The following ERICH6B variants were observed in gnomAD, a reference collection of about 807,000 sequenced individuals.
ERICH6B encodes glutamate rich 6B.
A neutral mutation model predicts 80.0 loss-of-function variants in ERICH6B; 69 were observed. The ratio of observed to expected loss-of-function variants is 0.86; its 90% CI spans 0.71 to 1.05. The LOEUF is 1.05. Ranked by LOEUF, ERICH6B falls within the 50% of genes least tolerant of loss-of-function variation. The pLI is 0.00. For synonymous variants in ERICH6B, 283 were observed against 291.9 expected (o/e 0.97, Z 0.31); for missense variants, 754 against 796.1 (o/e 0.95, Z 0.64).
chr13:45,586,229 T>C (rs1875894431), intron 5 of ERICH6B, among the ~76,000 whole-genome samples: 2 of 152,102 alleles, frequency 1.3e-5, no homozygotes, highest in Admixed American at 1.3e-4. Flanking sequence ...TTCTCCCTTA[T>C]AGGGTTTCTG....
intron 4 of ERICH6B, among the ~76,000 whole-genome samples, chr13:45,589,524 C>T (rs1346526812): frequency 6.6e-6 from 1 of 152,162 alleles, no homozygotes; most frequent in Non-Finnish European, 1.5e-5. Flanking sequence ...ACATTTCATC[C>T]TCACCAAAAC....
intron 2 of ERICH6B, among the ~76,000 whole-genome samples, chr13:45,601,598 C>T (rs144003591): frequency 1.3e-5 from 2 of 152,174 alleles, no homozygotes; most frequent in East Asian, 3.9e-4. Flanking sequence ...CCCTGGATAG[C>T]CCAGAGGAGC....
At chr13:45,583,966 C>T (rs1875787400) in intron 5 of ERICH6B, among the ~76,000 whole-genome samples, 1 of 152,256 alleles carries the variant, frequency 6.6e-6, no homozygotes, top group Non-Finnish European at 1.5e-5. Context: ...TCTATACACA[C>T]AATGTCTCTA....
chr13:45,563,863 A>G (rs1281852733), intron 9 of ERICH6B, 75 bp from the exon 10 acceptor site: 35 of 1,230,872 alleles, frequency 2.8e-5, no homozygotes, highest in Non-Finnish European at 3.4e-5. Context: ...CAGTGCAGAC[A>G]GTACTGGAGC....
intron 7 of ERICH6B, among the ~76,000 whole-genome samples, chr13:45,579,583 C>A (rs1264444091): frequency 1.3e-5 from 2 of 152,166 alleles, no homozygotes; most frequent in African/African-American, 4.8e-5. Flanking sequence ...TGGCATAGGA[C>A]CCTGAGTCTA....
intron 5 of ERICH6B, among the ~76,000 whole-genome samples, chr13:45,584,192 AT>A (rs1200833077): frequency 6.6e-6 from 1 of 152,178 alleles, no homozygotes. Context: ...CTGCATTAGA[AT>A]TTCTGGCTGA....
chr13:45,600,571 T>C (rs1022110682), intron 2 of ERICH6B, among the ~76,000 whole-genome samples: 5 of 152,250 alleles, frequency 3.3e-5, no homozygotes, highest in East Asian at 1.9e-4. Context: ...TATTCCACAC[T>C]GTATGCCTAC....
At chr13:45,559,853 T>C (rs1336845773) in intron 11 of ERICH6B, among the ~76,000 whole-genome samples, 1 of 152,224 alleles carries the variant, frequency 6.6e-6, no homozygotes, top group African/African-American at 2.4e-5. Context: ...CACTGATGAA[T>C]AGAAAGTATA....
At chr13:45,552,337 C>T (rs1380321980) in intron 11 of ERICH6B, among the ~76,000 whole-genome samples, 1 of 152,012 alleles carries the variant, frequency 6.6e-6, no homozygotes, top group African/African-American at 2.4e-5. Flanking sequence ...TGTCAAGACC[C>T]GTTGTTCCCC....
intron 13 of ERICH6B, among the ~76,000 whole-genome samples, chr13:45,545,267 G>T (rs1873949316): frequency 6.6e-6 from 1 of 152,132 alleles, no homozygotes. Flanking sequence ...CCCTCTGCCT[G>T]CAAAGTTCCC....
intron 7 of ERICH6B, among the ~76,000 whole-genome samples, chr13:45,575,665 G>A (rs1875369511): frequency 1.3e-5 from 2 of 152,202 alleles, no homozygotes; most frequent in African/African-American, 4.8e-5. Flanking sequence ...GAGCATAAGA[G>A]ATGAATCCCC....
At chr13:45,570,019 G>A (rs937584813) in intron 8 of ERICH6B, among the ~76,000 whole-genome samples, 1 of 152,198 alleles carries the variant, frequency 6.6e-6, no homozygotes, top group African/African-American at 2.4e-5. Flanking sequence ...CAGAATGTCT[G>A]TTGTGGTCTG....
At chr13:45,567,667 G>T (rs1024784183) in intron 9 of ERICH6B, among the ~76,000 whole-genome samples, 3 of 152,172 alleles carry the variant, frequency 2.0e-5, no homozygotes, top group Admixed American at 6.5e-5. Flanking sequence ...TTTGTAAATT[G>T]CCCAGTCTTG....
chr13:45,596,522 C>T lies in ERICH6B; in HGVS notation c.484G>A (p.Ala162Thr). Residue 162 changes from alanine (A) to threonine (T), a missense_variant, in exon 3 of 15, where the codon GCG becomes ACG. Ala to Thr is a moderately conservative substitution (Grantham distance 58, BLOSUM62 0). Transcript: ENST00000298738. Reference sequence around the variant, plus strand: ...AGATACTCCTCCTCCTCCAGATACGCTTTCTTCCCCAGATAATCTACCTCC... The same window carrying T: ...AGATACTCCTCCTCCTCCAGATACGTTTTCTTCCCCAGATAATCTACCTCC... ...IEEVDYLGKK[A>T]YLEEEEYLGK... 1.3e-6 allele frequency: 2 copies of T among 1,552,094 alleles called. No individual in the cohort carries two copies. The highest frequency in any genetic ancestry group is 1.7e-4 in the Middle Eastern group (1 of 5,994).
intron 11 of ERICH6B, among the ~76,000 whole-genome samples, chr13:45,551,772 G>C (rs1317719645): frequency 6.6e-6 from 1 of 152,128 alleles, no homozygotes; most frequent in Non-Finnish European, 1.5e-5. Flanking sequence ...TTATGAAAGG[G>C]CTTGAGGCTA....
At chr13:45,542,494 A>G (rs974369626) in intron 14 of ERICH6B, among the ~76,000 whole-genome samples, 4 of 152,138 alleles carry the variant, frequency 2.6e-5, no homozygotes, top group Admixed American at 2.0e-4. Context: ...TTCATTTGGG[A>G]CATGCCCTGC....
At chr13:45,564,868 C>A (rs186480616) in intron 9 of ERICH6B, among the ~76,000 whole-genome samples, 1 of 152,280 alleles carries the variant, frequency 6.6e-6, no homozygotes, top group East Asian at 1.9e-4. Flanking sequence ...GCACCCAAGG[C>A]CCTTTTGGGA....
At chr13:45,566,874 G>T (rs538133127) in intron 9 of ERICH6B, among the ~76,000 whole-genome samples, 1 of 152,322 alleles carries the variant, frequency 6.6e-6, no homozygotes, top group East Asian at 1.9e-4. Context: ...TCCACTGACA[G>T]CTTGCACTGT....
At chr13:45,567,523 A>G (rs1446849899) in intron 9 of ERICH6B, among the ~76,000 whole-genome samples, 1 of 152,166 alleles carries the variant, frequency 6.6e-6, no homozygotes, top group Non-Finnish European at 1.5e-5. Flanking sequence ...TCTGATGGTT[A>G]TTATAAGGAG....
Sources: gnomAD v4.1 joint callset for allele counts (sites outside exome capture counted in the v4.1 genomes callset) on GRCh38, gnomAD v4.1.1 for gene constraint, MANE v1.5 for transcripts, NCBI Gene and HGNC (gene_info 2026-07-23, HGNC 2026-07-21) for gene names.